EFCAB12: variants seen among roughly 807,000 people sequenced by gnomAD.
EFCAB12 encodes the protein EF-hand calcium binding domain 12, also known as EF-hand calcium-binding domain-containing protein 12.
EFCAB12 carries 43 observed loss-of-function variants against 53.6 expected under a neutral mutation model. The ratio of observed to expected loss-of-function variants is 0.80; its 90% CI spans 0.63 to 1.03. The LOEUF is 1.03. EFCAB12 is among the 50% of genes least tolerant of loss of function. The pLI, the probability that EFCAB12 is intolerant of heterozygous loss-of-function variation, is 0.00. For synonymous variants in EFCAB12, 269 were observed against 289.2 expected, an observed-to-expected ratio of 0.93 and a Z score of 0.71; for missense variants, 646 against 730.6, an observed-to-expected ratio of 0.88 and a Z score of 1.34.
chr3:129,407,462 C>T (rs1348120422), intron 6 of EFCAB12, among the ~76,000 whole-genome samples: 1 of 152,222 alleles, frequency 6.6e-6, no homozygotes, highest in African/African-American at 2.4e-5. Flanking sequence ...AGTCACACCA[C>T]TGCCTGTGTG....
chr3:129,415,354 G>A lies in EFCAB12; in HGVS notation c.729C>T (p.Tyr243=). Residue 243 remains tyrosine, a synonymous_variant, in exon 4 of 9, where the codon TAC becomes TAT. Transcript: ENST00000505956. ...TGTTGTGCTTCCCAAGAGAGCTGAG[G>A]TAGATCACTATATCCTCCACCTCTT... ...KNQEVEDIVI[Y]LSSLGKHNTI... is the part of the protein sequence containing the mutation. 2 of 1,613,816 alleles carry A rather than the reference G, an allele frequency of 1.2e-6. No individual in the cohort carries two copies. Among genetic ancestry groups the A allele is most frequent in the Non-Finnish European group, 1.7e-6 (2 of 1,179,860 alleles).
At chr3:129,403,592 T>G (rs1410501887) in intron 7 of EFCAB12, 1 of 152,352 alleles carries the variant, frequency 6.6e-6, no homozygotes, top group African/African-American at 2.4e-5. Flanking sequence ...AGCTGGGCTC[T>G]CCTCCTCCCA....
At chr3:129,416,087 T>G (rs2072112010) in intron 3 of EFCAB12, among the ~76,000 whole-genome samples, 1 of 152,196 alleles carries the variant, frequency 6.6e-6, no homozygotes, top group African/African-American at 2.4e-5. Context: ...CTAGCCTTGA[T>G]CAGAACTAAC....
chr3:129,406,733 G>T (rs920826793), intron 6 of EFCAB12, among the ~76,000 whole-genome samples: 2 of 152,104 alleles, frequency 1.3e-5, no homozygotes, highest in East Asian at 3.8e-4. Flanking sequence ...GAACTCCTGG[G>T]TTCAAGCAAT....
intron 7 of EFCAB12, chr3:129,404,046 C>T (rs576360188): frequency 3.6e-6 from 2 of 547,984 alleles, no homozygotes; most frequent in Admixed American, 3.2e-5. Flanking sequence ...CTGAGGCCAG[C>T]AGGCCATGAT....
chr3:129,408,024 C>A (rs182696569), intron 6 of EFCAB12, among the ~76,000 whole-genome samples: 4 of 152,322 alleles, frequency 2.6e-5, no homozygotes, highest in African/African-American at 9.6e-5. Flanking sequence ...TAGAAGTGCT[C>A]ACCCCGCAGA....
At chr3:129,404,511 T>A in intron 6 of EFCAB12, 108 bp from the exon 7 acceptor site, 1 of 1,277,558 alleles carries the variant, frequency 7.8e-7, no homozygotes, top group Non-Finnish European at 1.0e-6. Flanking sequence ...TTCACATTTT[T>A]AAGACGTTTT....
chr3:129,416,885 C>T (rs773025996), intron 3 of EFCAB12, among the ~76,000 whole-genome samples: 3 of 152,182 alleles, frequency 2.0e-5, no homozygotes. Context: ...CTCTTGGCCT[C>T]AAGCAGTCTT....
At chr3:129,416,026 G>T (rs776242267) in intron 3 of EFCAB12, among the ~76,000 whole-genome samples, 3 of 152,124 alleles carry the variant, frequency 2.0e-5, no homozygotes, top group African/African-American at 4.8e-5. Flanking sequence ...CAAGTGATCC[G>T]CCTGGTTCGG....
In EFCAB12 at chr3:129,421,702, G is replaced by A. The variant is rs375275961; in HGVS notation, c.151C>T (p.Arg51Cys). 2.6e-5 allele frequency: 42 copies of A among 1,613,610 alleles called. 1 individual carries two copies. Among genetic ancestry groups the A allele is most frequent in the South Asian group, 1.9e-4 (17 of 91,062 alleles). ...ATTCGCCGGCGGGTCTGAGGCAGGC[G>A]GAAGTCCTTCTGCTGGAACTGCTTG... ...CFKQFQQKDFRLPQTRRRIIM... is the reference protein window; with the variant it reads ...CFKQFQQKDFCLPQTRRRIIM... Residue 51 changes from arginine to cysteine, a missense_variant, in exon 2 of 9, where the codon CGC (arginine) becomes TGC (cysteine). Physicochemically the swap from Arg to Cys is radical, Grantham distance 180. Coordinates refer to ENST00000505956, the MANE Select transcript of EFCAB12 (RefSeq NM_207307.3).
Position 129,417,344 on chromosome 3 carries a change from A to C in EFCAB12, c.681+910T>G, listed in dbSNP as rs113555932. 4.6e-4 allele frequency among the ~76,000 whole-genome samples: 66 copies of C among 144,758 alleles called. 2 individuals are homozygous for C. Among genetic ancestry groups the C allele is most frequent in the African/African-American group, 1.1e-3 (39 of 37,046 alleles). 95.0% of individuals were successfully genotyped at this position (144,758 alleles called of 152,430 possible). Reference sequence around the variant, plus strand: ...GCCTCAAAAAAAAAAAAAAAACCAAAAAAAAAAAACCCAAAACCAAAAAAA... The same window carrying C: ...GCCTCAAAAAAAAAAAAAAAACCAACAAAAAAAAACCCAAAACCAAAAAAA... On this transcript the variant is annotated intron_variant, in intron 3 of 8. Transcript: ENST00000505956.
Position 129,418,405 on chromosome 3 carries a change from G to A in EFCAB12, c.530C>T (p.Pro177Leu), listed in dbSNP as rs1206151409. The A allele has an allele frequency of 5.6e-6, 9 of 1,612,998 alleles. No homozygotes were observed. Among genetic ancestry groups the A allele is most frequent in the Non-Finnish European group, 6.8e-6 (8 of 1,179,526 alleles). The change falls in exon 3 of 9, where the codon CCC (proline) becomes CTC (leucine). Residue 177 changes from proline (P) to leucine (L), a missense_variant. Physicochemically the swap from Pro to Leu is moderately conservative, Grantham distance 98 (BLOSUM62 -3). Transcript: ENST00000505956. ...RLSRLSRQMV[P>L]QLQLPEPPAL... ...AGGGGGCTCGGGCAGCTGGAGCTGG[G>A]GCACCATCTGGCGGGACAGCCGGGA...
chr3:129,428,394 T>C (rs2072296070), intron 1 of EFCAB12, 46 bp downstream of exon 1: 11 of 1,575,054 alleles, frequency 7.0e-6, no homozygotes, highest in Non-Finnish European at 9.5e-6. Flanking sequence ...TCACGCGTCC[T>C]TAGGGCGCTG....
rs752150377 is a variant in EFCAB12 at position 129,421,810 on chromosome 3, G to C, written c.50-7C>G. ...GTCTTAGACGGGCAGAGTCCTTGGG[G>C]TAAGAGAGTTAAAAGATGAGTTTCT... On this transcript the variant is annotated splice_polypyrimidine_tract_variant and splice_region_variant and intron_variant, in intron 1 of 8. Coordinates refer to ENST00000505956, the MANE Select transcript of EFCAB12 (RefSeq NM_207307.3). The C allele has an allele frequency of 6.2e-7, 1 of 1,600,094 alleles. No individual in the cohort carries two copies. The highest frequency in any genetic ancestry group is 8.5e-7 in the Non-Finnish European group (1 of 1,171,410).
At chr3:129,411,117 C>T in intron 5 of EFCAB12, 41 bp downstream of exon 5, 2 of 1,539,658 alleles carry the variant, frequency 1.3e-6, no homozygotes, top group South Asian at 1.2e-5. Context: ...CCAGCTGCTC[C>T]AGTCCCCAAG....
At chr3:129,411,478 A>G in intron 4 of EFCAB12, 124 bp from the exon 5 acceptor site, 12 of 1,014,246 alleles carry the variant, frequency 1.2e-5, no homozygotes, top group Non-Finnish European at 1.7e-5. Flanking sequence ...CCCTTCCCAC[A>G]CGTCTGGGCA....
At chr3:129,427,653 G>T (rs948116003) in intron 1 of EFCAB12, among the ~76,000 whole-genome samples, 1 of 152,162 alleles carries the variant, frequency 6.6e-6, no homozygotes, top group East Asian at 1.9e-4. Context: ...GCGGCATGGA[G>T]AAGACCTTCA....
rs373680708 is a variant in EFCAB12, at chr3:129,415,207, C to T, written c.838+38G>A. 68 of 1,549,486 alleles carry T rather than the reference C, an allele frequency of 4.4e-5. No homozygotes were observed. The Middle Eastern group carries it at 7.0e-4, about 16-fold the overall frequency. On this transcript the variant is annotated intron_variant, in intron 4 of 8. Transcript: ENST00000505956. Reference sequence around the variant, plus strand: ...GCCTGCACCATGCTTGCTCCCAGGACGGGGAGGTGGAGGCACAGGATGGGG... The same window carrying T: ...GCCTGCACCATGCTTGCTCCCAGGATGGGGAGGTGGAGGCACAGGATGGGG...
intron 2 of EFCAB12, 81 bp from the exon 3 acceptor site, chr3:129,418,529 C>G: frequency 6.1e-6 from 8 of 1,317,928 alleles, no homozygotes; most frequent in Non-Finnish European, 8.1e-6. Context: ...GAGTTAGGGA[C>G]TAAGGAGAGG....
Sources: allele counts gnomAD v4.1 joint callset (sites outside exome capture counted in the v4.1 genomes callset), GRCh38; gene constraint gnomAD v4.1.1; transcripts MANE v1.5; gene names NCBI Gene and HGNC (gene_info 2026-07-23, HGNC 2026-07-21).